The following CCDC148 variants were observed in gnomAD, a reference collection of about 807,000 sequenced individuals.
The protein encoded by CCDC148 is coiled-coil domain containing 148.
A neutral mutation model predicts 85.7 loss-of-function variants in CCDC148; 89 were observed. The observed-to-expected ratio is 1.04, with a 90% confidence interval of 0.87 to 1.24. The LOEUF (loss-of-function observed/expected upper bound fraction) is 1.24. CCDC148 is among the 50% of genes most tolerant of loss of function. The pLI, the probability that CCDC148 is intolerant of heterozygous loss-of-function variation, is 0.00. For missense variants in CCDC148, 692 were observed against 671.7 expected, an observed-to-expected ratio of 1.03 and a Z score of -0.33; for synonymous variants, 230 against 213.9, an observed-to-expected ratio of 1.08 and a Z score of -0.66.
intron 1 of CCDC148, among the ~76,000 whole-genome samples, chr2:158,437,747 A>G (rs1687730812): frequency 6.6e-6 from 1 of 152,214 alleles, no homozygotes; most frequent in Non-Finnish European, 1.5e-5. Context: ...TCAGCCCAAA[A>G]TCTCCTTAAG....
At chr2:158,339,693 C>T (rs1259585393) in intron 5 of CCDC148, among the ~76,000 whole-genome samples, 3 of 152,054 alleles carry the variant, frequency 2.0e-5, no homozygotes, top group Non-Finnish European at 2.9e-5. Context: ...GACAAGAGGA[C>T]ATTTGAGCCA....
intron 11 of CCDC148, among the ~76,000 whole-genome samples, chr2:158,199,742 A>T (rs1685857736): frequency 6.6e-6 from 1 of 152,170 alleles, no homozygotes; most frequent in African/African-American, 2.4e-5. Flanking sequence ...AGTTATTAGT[A>T]AAAATATAGT....
intron 9 of CCDC148, among the ~76,000 whole-genome samples, chr2:158,280,065 C>G (rs917033048): frequency 6.6e-6 from 1 of 151,846 alleles, no homozygotes; most frequent in Non-Finnish European, 1.5e-5. Context: ...CCTTTACAGA[C>G]AAGCAAATGC....
chr2:158,178,627 T>C (rs1046249340), intron 12 of CCDC148, among the ~76,000 whole-genome samples: 4 of 152,278 alleles, frequency 2.6e-5, no homozygotes, highest in South Asian at 2.1e-4. Context: ...CTCTAGGTGA[T>C]ATAGATATAG....
chr2:158,259,263 G>T (rs979023048), intron 9 of CCDC148, among the ~76,000 whole-genome samples: 3 of 151,708 alleles, frequency 2.0e-5, no homozygotes. Context: ...TTTTCTTCAA[G>T]GTAATTCTTG....
intron 9 of CCDC148, among the ~76,000 whole-genome samples, chr2:158,270,159 G>T (rs562359379): frequency 3.9e-5 from 6 of 152,198 alleles, no homozygotes; most frequent in Non-Finnish European, 8.8e-5. Flanking sequence ...TTATTGAAAA[G>T]CAATAAAATA....
intron 10 of CCDC148, among the ~76,000 whole-genome samples, chr2:158,233,181 C>A (rs1220742542): frequency 6.6e-6 from 1 of 152,098 alleles, no homozygotes; most frequent in Admixed American, 6.5e-5. Context: ...CCCCTTTCTA[C>A]TTTTGGCCTG....
chr2:158,289,741 CCAGGGAACACATATAAA>C (rs1051782311), intron 9 of CCDC148, among the ~76,000 whole-genome samples: 11 of 152,094 alleles, frequency 7.2e-5, no homozygotes, highest in Non-Finnish European at 1.5e-4. Flanking sequence ...AGTGTGTATA[CCAGGGAACACATATAAA>C]AACATTTATT....
intron 11 of CCDC148, among the ~76,000 whole-genome samples, chr2:158,203,070 A>G (rs1166371882): frequency 2.0e-5 from 3 of 152,188 alleles, no homozygotes; most frequent in African/African-American, 7.2e-5. Context: ...TCAAGTTTGT[A>G]ATCAGTGTGA....
At chr2:158,294,130 T>C (rs1470899056) in intron 9 of CCDC148, among the ~76,000 whole-genome samples, 3 of 151,778 alleles carry the variant, frequency 2.0e-5, no homozygotes, top group Admixed American at 6.6e-5. Flanking sequence ...TTATTTTATG[T>C]TCCTATAGTT....
chr2:158,198,903 C>A (rs972256619), intron 11 of CCDC148, among the ~76,000 whole-genome samples: 7 of 152,148 alleles, frequency 4.6e-5, no homozygotes, highest in Admixed American at 2.6e-4. Context: ...TGAGGGAAAT[C>A]AAACAAACCT....
intron 9 of CCDC148, among the ~76,000 whole-genome samples, chr2:158,303,167 C>A (rs1476280683): frequency 6.6e-6 from 1 of 152,116 alleles, no homozygotes; most frequent in Non-Finnish European, 1.5e-5. Context: ...AGGCTGAGAA[C>A]AAAATTATGG....
chr2:158,235,473 C>T (rs1328767840), intron 10 of CCDC148, among the ~76,000 whole-genome samples: 3 of 152,154 alleles, frequency 2.0e-5, no homozygotes, highest in Admixed American at 1.3e-4. Flanking sequence ...GACTTAGGCT[C>T]TTGTAAAATT....
chr2:158,406,481 G>C (rs1218131651), intron 1 of CCDC148, among the ~76,000 whole-genome samples: 1 of 152,046 alleles, frequency 6.6e-6, no homozygotes, highest in East Asian at 1.9e-4. Flanking sequence ...ATACAGGGGA[G>C]AGGCTGGCCC....
intron 10 of CCDC148, among the ~76,000 whole-genome samples, chr2:158,247,308 A>C (rs1688606664): frequency 6.6e-6 from 1 of 152,224 alleles, no homozygotes; most frequent in Admixed American, 6.5e-5. Flanking sequence ...AAAATTTATC[A>C]AATTGACAAA....
intron 10 of CCDC148, among the ~76,000 whole-genome samples, chr2:158,238,782 A>G (rs939139020): frequency 6.6e-6 from 1 of 152,230 alleles, no homozygotes; most frequent in Non-Finnish European, 1.5e-5. Flanking sequence ...AATAGTTCTG[A>G]GTAAACCAGG....
intron 7 of CCDC148, among the ~76,000 whole-genome samples, chr2:158,324,149 C>T (rs1235727826): frequency 6.6e-6 from 1 of 151,652 alleles, no homozygotes; most frequent in East Asian, 1.9e-4. Context: ...AACTGTTGAC[C>T]GAAAATGATC....
intron 9 of CCDC148, among the ~76,000 whole-genome samples, chr2:158,273,416 C>T (rs1224622308): frequency 6.6e-6 from 1 of 152,150 alleles, no homozygotes; most frequent in Non-Finnish European, 1.5e-5. Context: ...ATGCTTACCT[C>T]CTTCCACTAT....
intron 1 of CCDC148, among the ~76,000 whole-genome samples, chr2:158,433,628 C>T (rs954329733): frequency 3.3e-5 from 5 of 152,054 alleles, no homozygotes; most frequent in African/African-American, 9.7e-5. Context: ...TGCGGCTTGT[C>T]AGACAGTGGG....
Sources: allele counts gnomAD v4.1 joint callset (sites outside exome capture counted in the v4.1 genomes callset), GRCh38; gene constraint gnomAD v4.1.1; transcripts MANE v1.5; gene names NCBI Gene and HGNC (gene_info 2026-07-23, HGNC 2026-07-21).